The following ARHGEF9 variants were observed in gnomAD, a reference collection of about 807,000 sequenced individuals.
ARHGEF9 encodes the protein rho guanine nucleotide exchange factor 9.
Under a neutral mutation model 41.3 loss-of-function variants are expected in ARHGEF9, and 2 were observed. The observed-to-expected ratio is 0.05, with a 90% CI of 0.02 to 0.15. The LOEUF (loss-of-function observed/expected upper bound fraction) is 0.15, where lower values mean the gene tolerates loss of function less well. ARHGEF9 is among the 10% of genes least tolerant of loss of function. The probability of loss-of-function intolerance (pLI) is 1.00; values close to 1 mark genes in which losing one functional copy is unlikely to be tolerated. For synonymous variants in ARHGEF9, 160 were observed against 154.4 expected (o/e 1.04, Z -0.27); for missense variants, 225 against 424.7 (o/e 0.53, Z 4.13).
chrX:63,649,134 T>A (rs2048353440), intron 8 of ARHGEF9, among the ~76,000 whole-genome samples: 2 of 111,583 alleles, frequency 1.8e-5, no homozygotes, highest in South Asian at 7.6e-4. Flanking sequence ...CCACCCCAAA[T>A]CAACAGAATA....
chrX:63,655,780 G>A lies in ARHGEF9; in HGVS notation c.1078-43C>T, dbSNP rs373605248. 27 of 1,194,116 alleles carry A rather than the reference G, an allele frequency of 2.3e-5. No homozygotes were observed. The East Asian group carries it at 2.7e-4, about 12-fold the overall frequency. ...GGTTTCTTGAAGGTATGTGCACGGC[G>A]AGTACTAGAAGAGTTGGCACAGGGG... On this transcript the variant is annotated intron_variant, in intron 7 of 9. Coordinates refer to ENST00000671741, the MANE Select transcript of ARHGEF9 (RefSeq NM_001353921.2).
chrX:63,672,247 C>T (rs2050005317), intron 6 of ARHGEF9, among the ~76,000 whole-genome samples: 1 of 110,554 alleles, frequency 9.0e-6, no homozygotes, highest in South Asian at 3.9e-4. Context: ...CTTGGACTTC[C>T]CAGCTTCCAC....
At chrX:63,782,140 C>T (rs1302257394) in intron 1 of ARHGEF9, among the ~76,000 whole-genome samples, 2 of 111,493 alleles carry the variant, frequency 1.8e-5, no homozygotes, top group Non-Finnish European at 3.8e-5. Context: ...TTCACAACCC[C>T]TAGAATATAA....
chrX:63,680,092 C>T (rs1186091328), intron 4 of ARHGEF9, among the ~76,000 whole-genome samples: 2 of 110,967 alleles, frequency 1.8e-5, no homozygotes, highest in African/African-American at 3.3e-5. Flanking sequence ...CAATGGCAGC[C>T]GAAAAAATTT....
chrX:63,755,828 C>T (rs1390593488), intron 1 of ARHGEF9: 33 of 751,403 alleles, frequency 4.4e-5, no homozygotes, highest in Non-Finnish European at 9.4e-6. Context: ...ATACCACTGC[C>T]CTTACCTGGT....
At chrX:63,742,724 C>T (rs146395005) in intron 1 of ARHGEF9, among the ~76,000 whole-genome samples, 2 of 111,720 alleles carry the variant, frequency 1.8e-5, no homozygotes, top group African/African-American at 3.3e-5. Context: ...AGAGAGAAAG[C>T]GTCCAAACTA....
intron 1 of ARHGEF9, chrX:63,767,483 C>A (rs1474627738): frequency 3.8e-6 from 1 of 262,062 alleles, no homozygotes; most frequent in African/African-American, 2.8e-5. Flanking sequence ...CCCTTGGACA[C>A]TGCAGCTGTT....
chrX:63,742,119 T>C (rs1569499148), intron 1 of ARHGEF9, among the ~76,000 whole-genome samples: 1 of 112,231 alleles, frequency 8.9e-6, no homozygotes, highest in East Asian at 2.8e-4. Flanking sequence ...AATGTGGTAA[T>C]CACAGGTGCT....
chrX:63,703,165 C>T (rs1294267256), intron 3 of ARHGEF9: 1 of 112,540 alleles, frequency 8.9e-6, no homozygotes, highest in Non-Finnish European at 1.9e-5. Context: ...CATTTAAATA[C>T]TTACCTTCAG....
intron 3 of ARHGEF9, among the ~76,000 whole-genome samples, chrX:63,698,162 A>G (rs1556391139): frequency 1.9e-5 from 2 of 107,183 alleles, no homozygotes; most frequent in African/African-American, 6.7e-5. Context: ...ATATTTATAA[A>G]TAAATGTGTC....
At chrX:63,726,493 C>G (rs1264885723) in intron 1 of ARHGEF9, among the ~76,000 whole-genome samples, 1 of 111,509 alleles carries the variant, frequency 9.0e-6, no homozygotes, top group Admixed American at 9.5e-5. Context: ...CGCACGCCAC[C>G]ATGCCCAGCT....
chrX:63,780,484 G>A (rs2056362977), intron 1 of ARHGEF9, among the ~76,000 whole-genome samples: 2 of 110,977 alleles, frequency 1.8e-5, no homozygotes, highest in South Asian at 7.7e-4. Flanking sequence ...AACCCTGAGT[G>A]CAAGCAACAA....
chrX:63,689,796 T>C, intron 4 of ARHGEF9, among the ~76,000 whole-genome samples: 1 of 112,136 alleles, frequency 8.9e-6, no homozygotes, highest in East Asian at 2.8e-4. Context: ...ATATCAAGTG[T>C]CTTTTCTGAC....
intron 1 of ARHGEF9, among the ~76,000 whole-genome samples, chrX:63,751,943 T>C (rs1338264394): frequency 1.8e-5 from 2 of 109,934 alleles, no homozygotes; most frequent in Non-Finnish European, 3.8e-5. Context: ...GGAGAAGGCA[T>C]TTCGTGACAC....
chrX:63,678,824 T>C (rs1556365851), intron 4 of ARHGEF9, among the ~76,000 whole-genome samples: 1 of 111,094 alleles, frequency 9.0e-6, no homozygotes, highest in African/African-American at 3.3e-5. Context: ...AAAAGAAGGG[T>C]AATAAGGGAA....
chrX:63,709,826 A>G (rs1556405538), intron 2 of ARHGEF9, among the ~76,000 whole-genome samples: 1 of 111,781 alleles, frequency 8.9e-6, no homozygotes, highest in South Asian at 3.8e-4. Context: ...TAGAAATACT[A>G]TAGTCCAAAG....
chrX:63,678,308 C>T (rs781793251), intron 5 of ARHGEF9, 32 bp downstream of exon 5: 1 of 1,119,916 alleles, frequency 8.9e-7, no homozygotes, highest in Admixed American at 2.5e-5. Flanking sequence ...AGGAAGTTCC[C>T]TCATTCACTC....
At position 63,637,615 on chromosome X, in the gene ARHGEF9, C is replaced by A; in HGVS notation, c.*413G>T. On this transcript the variant is annotated 3_prime_UTR_variant, in exon 10 of 10. Transcript: ENST00000671741. ...AAAAAAACAATACAAACACATCTAT[C>A]GTAATAATGACAAGGCAGTGAATCA... 4.9e-6 allele frequency: 1 copy of A among 204,564 alleles called. No homozygotes were observed. Among genetic ancestry groups the A allele is most frequent in the Non-Finnish European group, 8.8e-6 (1 of 113,286 alleles). 16.9% of individuals were successfully genotyped at this position (204,564 alleles called of 1,213,427 possible).
chrX:63,683,325 C>T (rs1445320439), intron 4 of ARHGEF9, among the ~76,000 whole-genome samples: 2 of 111,312 alleles, frequency 1.8e-5, no homozygotes, highest in Admixed American at 1.9e-4. Flanking sequence ...AAAACCAAAA[C>T]ACCCTGATGA....
Sources: allele counts gnomAD v4.1 joint callset (sites outside exome capture counted in the v4.1 genomes callset), GRCh38; gene constraint gnomAD v4.1.1; transcripts MANE v1.5; gene names NCBI Gene and HGNC (gene_info 2026-07-23, HGNC 2026-07-21).